Variants in SASH3 observed in about 807,000 individuals in gnomAD.
The protein encoded by SASH3 is SAM and SH3 domain containing 3, also known as SAM and SH3 domain-containing protein 3.
SASH3 carries 7 observed loss-of-function variants against 26.1 expected under a neutral mutation model. The observed-to-expected ratio is 0.27, with a 90% confidence interval of 0.15 to 0.50. The LOEUF is 0.50. SASH3 is among the 20% of genes least tolerant of loss of function. The pLI is 0.98. For missense variants in SASH3, 231 were observed against 318.3 expected, an observed-to-expected ratio of 0.73 and a Z score of 2.09; for synonymous variants, 138 against 136.8, an observed-to-expected ratio of 1.01 and a Z score of -0.06.
At chrX:129,787,134 T>C (rs1380522015) in intron 1 of SASH3, among the ~76,000 whole-genome samples, 1 of 111,372 alleles carries the variant, frequency 9.0e-6, no homozygotes, top group Non-Finnish European at 1.9e-5. Context: ...AAACCCCGTC[T>C]CCACTAAAAA....
intron 4 of SASH3, 42 bp downstream of exon 4, chrX:129,791,123 A>G (rs1186640262): frequency 3.4e-6 from 4 of 1,189,911 alleles, no homozygotes; most frequent in Non-Finnish European, 4.5e-6. Flanking sequence ...ATCTGGAGGA[A>G]AGGACTGGGT....
At chrX:129,782,511 A>T (rs2124071678) in intron 1 of SASH3, among the ~76,000 whole-genome samples, 1 of 112,115 alleles carries the variant, frequency 8.9e-6, no homozygotes, top group South Asian at 3.7e-4. Flanking sequence ...AGATATTGTC[A>T]TTATCCCTAT....
chrX:129,790,543 G>A (rs1184844714), intron 3 of SASH3, among the ~76,000 whole-genome samples: 3 of 111,022 alleles, frequency 2.7e-5, no homozygotes, highest in Non-Finnish European at 3.8e-5. Context: ...TAAGGATTCA[G>A]TGAAATGGCA....
Position 129,792,458 on chromosome X carries a change from C to T in SASH3, c.573C>T (p.His191=), listed in dbSNP as rs1432141495. The T allele has an allele frequency of 5.0e-6, 6 of 1,211,952 alleles. No individual in the cohort carries two copies. The highest frequency in any genetic ancestry group is 2.3e-4 in the Middle Eastern group (1 of 4,355). Residue 191 remains histidine, a synonymous_variant, in exon 5 of 8, where the codon CAC becomes CAT. Transcript: ENST00000356892. ...HTDFTPSPYD[H]DSLKLQKGDV... is the part of the protein sequence containing the mutation. ...ACTTCACTCCCAGCCCCTATGACCA[C>T]GACTCGCTGAAACTGCAGGTAAGAT...
rs1165274364 is a variant in SASH3, at chrX:129,793,862, A to C, written c.*30A>C. ...GCGGTGGCAATAGGCCAAGGCTGGGACCCAGCTGCAAAGGCTGTAGGAGTG... is the reference window on the plus strand; with the variant it reads ...GCGGTGGCAATAGGCCAAGGCTGGGCCCCAGCTGCAAAGGCTGTAGGAGTG... On this transcript the variant is annotated 3_prime_UTR_variant, in exon 8 of 8. Transcript: ENST00000356892. The C allele has an allele frequency of 4.4e-6, 5 of 1,142,118 alleles. No homozygotes were observed. Among genetic ancestry groups the C allele is most frequent in the East Asian group, 3.3e-5 (1 of 30,604 alleles). The allele number at this position is 1,142,118 out of a possible 1,213,427, so 94.1% of individuals were successfully genotyped here.
In SASH3 at chrX:129,788,411, C is replaced by A. The variant is rs757507115; in HGVS notation, c.154-20C>A. On this transcript the variant is annotated intron_variant, in intron 2 of 7. Transcript: ENST00000356892. Reference sequence around the variant, plus strand: ...GGCAGGACCACCAGGGTCCCTGGATCGCCTCTTTTGTTGTCACAGATTCCA... The same window carrying A: ...GGCAGGACCACCAGGGTCCCTGGATAGCCTCTTTTGTTGTCACAGATTCCA... 2.5e-5 allele frequency: 30 copies of A among 1,208,536 alleles called. No individual in the cohort carries two copies. The highest frequency in any genetic ancestry group is 2.7e-5 in the Non-Finnish European group (24 of 894,057).
At chrX:129,788,137 G>GGGGGGGCGCGGC in intron 2 of SASH3, 67 bp downstream of exon 2, 1 of 354,277 alleles carries the variant, frequency 2.8e-6, no homozygotes, top group Non-Finnish European at 5.4e-6. Context: ...GGGTGGGAGG[G>GGGGGGGCGCGGC]AAGAGGGTGA....
chrX:129,785,624 A>G (rs749520835), intron 1 of SASH3, among the ~76,000 whole-genome samples: 41 of 112,311 alleles, frequency 3.7e-4, no homozygotes, highest in Non-Finnish European at 2.6e-4. Flanking sequence ...CTTGGGAAAG[A>G]GCTGCAATTA....
intron 3 of SASH3, among the ~76,000 whole-genome samples, chrX:129,789,059 GC>G (rs1438875979): frequency 3.0e-5 from 3 of 100,412 alleles, no homozygotes; most frequent in Non-Finnish European, 6.0e-5. Context: ...CCAAGATCGT[GC>G]CACTGCACTC....
chrX:129,785,211 C>T (rs773823750), intron 1 of SASH3, among the ~76,000 whole-genome samples: 5 of 110,995 alleles, frequency 4.5e-5, no homozygotes, highest in African/African-American at 9.8e-5. Context: ...CCACCTCCCC[C>T]GTCAGGCACG....
chrX:129,782,824 G>A (rs1180688338), intron 1 of SASH3, among the ~76,000 whole-genome samples: 2 of 111,878 alleles, frequency 1.8e-5, no homozygotes, highest in South Asian at 3.7e-4. Flanking sequence ...AGGACATGGC[G>A]CCTCCCATGG....
At position 129,791,079 on chromosome X, in the gene SASH3, C is replaced by T. The variant is rs772570347; in HGVS notation, c.440C>T (p.Thr147Ile). The T allele has an allele frequency of 8.3e-7, 1 of 1,210,295 alleles. No homozygotes were observed. Residue 147 changes from threonine (T) to isoleucine (I), a missense_variant and splice_region_variant, in exon 4 of 8, where the codon ACA (threonine) becomes ATA (isoleucine). Thr to Ile is a moderately conservative substitution (Grantham distance 89). Transcript: ENST00000356892. The stretch of plus-strand genomic sequence containing the variant: ...CCGGTGCTCAGCCGCCAGGCATCAA[C>T]AGGTGAGTAGGGGATGCGGGGGACA... Reference protein sequence around the residue: ...ELPVLSRQASTGSELCSPSPG... With the variant: ...ELPVLSRQASIGSELCSPSPG...
chrX:129,789,161 G>GAAAGAAAA (rs1927179022), intron 3 of SASH3, among the ~76,000 whole-genome samples: 1 of 61,457 alleles, frequency 1.6e-5, no homozygotes, highest in East Asian at 9.3e-4. Flanking sequence ...AAGAAAGAAA[G>GAAAGAAAA]AAAGAGAAAA....
At chrX:129,792,292 C>T (rs935428094) in intron 4 of SASH3, 36 bp from the exon 5 acceptor site, 2 of 1,180,314 alleles carry the variant, frequency 1.7e-6, no homozygotes, top group Non-Finnish European at 2.3e-6. Context: ...TGTTCTAGGA[C>T]AAAGGTGAGC....
In SASH3 at chrX:129,792,996, C is replaced by T. The variant is rs1044927153; in HGVS notation, c.809C>T (p.Thr270Ile). 3 of 1,211,737 alleles carry T rather than the reference C, an allele frequency of 2.5e-6. No homozygotes were observed. Among genetic ancestry groups the T allele is most frequent in the Non-Finnish European group, 3.4e-6 (3 of 895,443 alleles). ...GCCTGCCTCTGCCTACAGGAGCACA[C>T]ATCCACCCTCCTGCTCAATGGCTAC... Reference protein sequence around the residue: ...LLERIGLEEHTSTLLLNGYQT... With the variant: ...LLERIGLEEHISTLLLNGYQT... The change falls in exon 7 of 8, where the codon ACA becomes ATA. Residue 270 changes from threonine (T) to isoleucine (I), a missense_variant. Physicochemically the swap from Thr to Ile is moderately conservative, Grantham distance 89 (BLOSUM62 -1). Coordinates refer to ENST00000356892, the MANE Select transcript of SASH3 (RefSeq NM_018990.4).
At chrX:129,781,539 A>G in intron 1 of SASH3, among the ~76,000 whole-genome samples, 1 of 111,917 alleles carries the variant, frequency 8.9e-6, no homozygotes, top group South Asian at 3.7e-4. Flanking sequence ...GGAAACAGAG[A>G]TTGCTCTATA....
Position 129,792,702 on chromosome X carries a change from T to C in SASH3, c.667T>C (p.Ser223Pro). The C allele has an allele frequency of 8.3e-7, 1 of 1,211,239 alleles. No homozygotes were observed. Among genetic ancestry groups the C allele is most frequent in the Non-Finnish European group, 1.1e-6 (1 of 895,444 alleles). Residue 223 changes from serine (S) to proline (P), a missense_variant, in exon 6 of 8, where the codon TCT becomes CCT. By Grantham distance (74) the Ser-to-Pro change is moderately conservative. Transcript: ENST00000356892. ...GGGCCTACTCAATGGCAAGGTGGGCTCTTTCAAATTCATCTATGTGGATGT... is the reference window on the plus strand; with the variant it reads ...GGGCCTACTCAATGGCAAGGTGGGCCCTTTCAAATTCATCTATGTGGATGT... The part of the protein sequence containing the change: ...WLGLLNGKVG[S>P]FKFIYVDVLP...
chrX:129,794,132 G>A lies in SASH3; in HGVS notation c.*300G>A, dbSNP rs1673367692. 3.0e-6 allele frequency: 1 copy of A among 334,658 alleles called. No homozygotes were observed. 27.6% of individuals were successfully genotyped at this position (334,658 alleles called of 1,213,427 possible). Reference sequence around the variant, plus strand: ...CCTGCCATGGCCACGGCCACAGCAAGTGGGGCACTGGGAAACCCTGCCCAT... The same window carrying A: ...CCTGCCATGGCCACGGCCACAGCAAATGGGGCACTGGGAAACCCTGCCCAT... On this transcript the variant is annotated 3_prime_UTR_variant, in exon 8 of 8. Transcript: ENST00000356892.
At chrX:129,788,137 G>GGGGGGGGA in intron 2 of SASH3, 67 bp downstream of exon 2, 2 of 354,273 alleles carry the variant, frequency 5.6e-6, no homozygotes. Context: ...GGGTGGGAGG[G>GGGGGGGGA]AAGAGGGTGA....
Sources: gnomAD v4.1 joint callset for allele counts (sites outside exome capture counted in the v4.1 genomes callset) on GRCh38, gnomAD v4.1.1 for gene constraint, MANE v1.5 for transcripts, NCBI Gene and HGNC (gene_info 2026-07-23, HGNC 2026-07-21) for gene names.